The following ZNF385D variants were observed in gnomAD, a reference collection of about 807,000 sequenced individuals.
ZNF385D encodes the protein zinc finger protein 659.
In ZNF385D, 15 loss-of-function variants were observed where a neutral mutation model predicts 35.8. That is an observed-to-expected ratio of 0.42 (90% CI 0.28 to 0.64). The LOEUF is 0.64. Ranked by LOEUF, ZNF385D falls within the 30% of genes least tolerant of loss-of-function variation. The pLI is 0.23. For synonymous variants in ZNF385D, 212 were observed against 186.8 expected, an observed-to-expected ratio of 1.13 and a Z score of -1.10; for missense variants, 474 against 494.6, an observed-to-expected ratio of 0.96 and a Z score of 0.39.
At chr3:22,126,310 G>GTTTTTTTTTTTTTTTTTTTAATTTT (rs1703426086) in intron 3 of ZNF385D, among the ~76,000 whole-genome samples, 1 of 100,146 alleles carries the variant, frequency 1.0e-5, no homozygotes, top group Non-Finnish European at 1.9e-5. Context: ...TTTGAAAGTT[G>GTTTTTTTTTTTTTTTTTTTAATTTT]TTTTTTTTTT....
At chr3:21,441,585 G>A in intron 4 of ZNF385D, 2 of 590,386 alleles carry the variant, frequency 3.4e-6, no homozygotes, top group Non-Finnish European at 4.3e-6. Context: ...CCAAGCTAGA[G>A]TCAATTACGT....
At chr3:22,205,243 T>G (rs1697071798) in intron 2 of ZNF385D, among the ~76,000 whole-genome samples, 1 of 151,998 alleles carries the variant, frequency 6.6e-6, no homozygotes, top group African/African-American at 2.4e-5. Flanking sequence ...AAAAAATATT[T>G]TATCCTAGAA....
intron 3 of ZNF385D, among the ~76,000 whole-genome samples, chr3:22,062,193 A>C (rs1699724403): frequency 6.6e-6 from 1 of 152,086 alleles, no homozygotes; most frequent in Non-Finnish European, 1.5e-5. Flanking sequence ...GACTACAGGC[A>C]AGTGCCACCA....
intron 3 of ZNF385D, among the ~76,000 whole-genome samples, chr3:21,853,555 A>G (rs1696525293): frequency 6.7e-6 from 1 of 149,254 alleles, no homozygotes; most frequent in Admixed American, 6.7e-5. Context: ...CATATCATAA[A>G]TGCCTCAGTA....
At chr3:22,111,074 T>A (rs1702493847) in intron 3 of ZNF385D, among the ~76,000 whole-genome samples, 1 of 151,072 alleles carries the variant, frequency 6.6e-6, no homozygotes, top group Non-Finnish European at 1.5e-5. Flanking sequence ...ACGTTGTAAC[T>A]GAGACTATCA....
intron 2 of ZNF385D, among the ~76,000 whole-genome samples, chr3:22,312,320 C>G (rs1703606084): frequency 6.6e-6 from 1 of 151,976 alleles, no homozygotes; most frequent in African/African-American, 2.4e-5. Flanking sequence ...GAAATCACAC[C>G]ATTAGAGCAT....
intron 3 of ZNF385D, among the ~76,000 whole-genome samples, chr3:22,073,648 T>C (rs1700330535): frequency 6.6e-6 from 1 of 151,918 alleles, no homozygotes; most frequent in Non-Finnish European, 1.5e-5. Context: ...TATATTTGTC[T>C]GTAACAGGAG....
chr3:22,031,691 T>C (rs1164116405), intron 3 of ZNF385D, among the ~76,000 whole-genome samples: 1 of 152,150 alleles, frequency 6.6e-6, no homozygotes, highest in Non-Finnish European at 1.5e-5. Flanking sequence ...TTTTCCCCAT[T>C]GTGCTGGTTA....
chr3:21,713,817 T>C (rs141933376), intron 1 of ZNF385D, among the ~76,000 whole-genome samples: 3 of 152,350 alleles, frequency 2.0e-5, no homozygotes, highest in Non-Finnish European at 2.9e-5. Context: ...GCAACTTTAC[T>C]AGAATCTCAG....
chr3:21,485,795 A>ACCTCC (rs1704987496), intron 4 of ZNF385D, among the ~76,000 whole-genome samples: 2 of 152,104 alleles, frequency 1.3e-5, no homozygotes, highest in Non-Finnish European at 2.9e-5. Context: ...ATGATTTGTT[A>ACCTCC]CTTGACAGAT....
At chr3:22,184,296 T>C (rs1354438567) in intron 2 of ZNF385D, among the ~76,000 whole-genome samples, 1 of 152,204 alleles carries the variant, frequency 6.6e-6, no homozygotes, top group Non-Finnish European at 1.5e-5. Flanking sequence ...GGAACCATTA[T>C]TGACGTCAGG....
chr3:21,597,787 T>G (rs984651040), intron 2 of ZNF385D, among the ~76,000 whole-genome samples: 10 of 152,118 alleles, frequency 6.6e-5, no homozygotes, highest in Admixed American at 6.5e-4. Flanking sequence ...CCAAACATCT[T>G]GAGTATAATT....
chr3:21,964,257 T>TA (rs1279483168), intron 3 of ZNF385D, among the ~76,000 whole-genome samples: 5 of 151,594 alleles, frequency 3.3e-5, no homozygotes, highest in African/African-American at 1.2e-4. Flanking sequence ...CTTCATTCGC[T>TA]AAAAACTGAA....
intron 3 of ZNF385D, among the ~76,000 whole-genome samples, chr3:21,941,837 A>G (rs1352621000): frequency 1.3e-5 from 2 of 151,986 alleles, no homozygotes; most frequent in Non-Finnish European, 2.9e-5. Flanking sequence ...TTCTACAATT[A>G]ATTTGAGGCA....
chr3:21,765,334 G>A (rs1453821555), intron 3 of ZNF385D, among the ~76,000 whole-genome samples: 3 of 151,996 alleles, frequency 2.0e-5, no homozygotes, highest in Admixed American at 2.0e-4. Context: ...TAACTTTGAT[G>A]TATTTCAGAG....
chr3:21,974,665 C>T (rs970287963), intron 3 of ZNF385D, among the ~76,000 whole-genome samples: 2 of 152,020 alleles, frequency 1.3e-5, no homozygotes, highest in African/African-American at 2.4e-5. Flanking sequence ...TATTTTCAAG[C>T]TATCTATCTG....
chr3:22,070,129 T>C (rs2125560671), intron 3 of ZNF385D, among the ~76,000 whole-genome samples: 1 of 152,298 alleles, frequency 6.6e-6, no homozygotes, highest in Middle Eastern at 3.4e-3. Context: ...CCCACAAATG[T>C]TCACTTAGAA....
chr3:22,061,180 G>C (rs553721563), intron 3 of ZNF385D, among the ~76,000 whole-genome samples: 5 of 152,244 alleles, frequency 3.3e-5, no homozygotes, highest in Admixed American at 2.0e-4. Flanking sequence ...TTGGTTTTCT[G>C]AAATTCCTTC....
At chr3:21,960,885 T>C (rs755419413) in intron 3 of ZNF385D, among the ~76,000 whole-genome samples, 3 of 152,018 alleles carry the variant, frequency 2.0e-5, no homozygotes, top group Non-Finnish European at 2.9e-5. Flanking sequence ...ACTGAGCTCT[T>C]GGAAGCAGAG....
Sources: allele counts gnomAD v4.1 joint callset (sites outside exome capture counted in the v4.1 genomes callset), GRCh38; gene constraint gnomAD v4.1.1; transcripts MANE v1.5; gene names NCBI Gene and HGNC (gene_info 2026-07-23, HGNC 2026-07-21).